ARFGAP2: variants seen among roughly 807,000 people sequenced by gnomAD.
The protein encoded by ARFGAP2 is ADP-ribosylation factor GTPase-activating protein 2.
ARFGAP2 carries 45 observed loss-of-function variants against 71.9 expected under a neutral mutation model. That is an observed-to-expected ratio of 0.63 (90% CI 0.49 to 0.80). The LOEUF (loss-of-function observed/expected upper bound fraction) is 0.80, where lower values mean the gene tolerates loss of function less well. ARFGAP2 is among the 30% of genes least tolerant of loss of function. The pLI, the probability that ARFGAP2 is intolerant of heterozygous loss-of-function variation, is 0.00. For synonymous variants in ARFGAP2, 248 were observed against 249.2 expected, an observed-to-expected ratio of 1.00 and a Z score of 0.05; for missense variants, 633 against 673.9, an observed-to-expected ratio of 0.94 and a Z score of 0.67.
At chr11:47,166,034 T>C (rs1952359743) in intron 15 of ARFGAP2, among the ~76,000 whole-genome samples, 1 of 152,116 alleles carries the variant, frequency 6.6e-6, no homozygotes, top group Non-Finnish European at 1.5e-5. Flanking sequence ...CCAGCTAATT[T>C]TGTATTTTTA....
intron 3 of ARFGAP2, chr11:47,175,534 G>A: frequency 1.4e-6 from 1 of 699,868 alleles, no homozygotes; most frequent in Non-Finnish European, 2.4e-6. Context: ...AGGCCCCACT[G>A]AACGCTGCCT....
At chr11:47,172,483 T>A in intron 7 of ARFGAP2, 150 bp from the exon 8 acceptor site, 1 of 1,117,846 alleles carries the variant, frequency 8.9e-7, no homozygotes, top group Non-Finnish European at 1.3e-6. Flanking sequence ...CAACCAGCGG[T>A]GTCAAAGCCA....
chr11:47,173,619 C>T, intron 6 of ARFGAP2, 137 bp from the exon 7 acceptor site: 1 of 1,409,620 alleles, frequency 7.1e-7, no homozygotes, highest in African/African-American at 1.4e-5. Context: ...ACCACTTCCT[C>T]CAAGGATTAA....
At position 47,166,836 on chromosome 11, in the gene ARFGAP2, C is replaced by A; in HGVS notation, c.1256G>T (p.Ser419Ile). ...VESRSSGLESSEARQKFAGAK... is the reference protein window; with the variant it reads ...VESRSSGLESIEARQKFAGAK... ...TCCTGCGAATTTCTGACGCGCCTCACTAGACTCGAGGCCTGAGCTCCGGCT... is the reference window on the plus strand; with the variant it reads ...TCCTGCGAATTTCTGACGCGCCTCAATAGACTCGAGGCCTGAGCTCCGGCT... Residue 419 changes from serine (S) to isoleucine (I), a missense_variant, in exon 13 of 16, where the codon AGT becomes ATT. Physicochemically the swap from Ser to Ile is moderately radical, Grantham distance 142. Transcript: ENST00000524782. The A allele has an allele frequency of 6.2e-7, 1 of 1,614,094 alleles. No homozygotes were observed. The highest frequency in any genetic ancestry group is 8.5e-7 in the Non-Finnish European group (1 of 1,180,030).
intron 15 of ARFGAP2, 82 bp downstream of exon 15, chr11:47,166,186 G>A (rs1347502227): frequency 1.1e-5 from 15 of 1,394,678 alleles, no homozygotes; most frequent in Middle Eastern, 1.8e-4. Context: ...GGCTCAGAGG[G>A]GCTGAGCAGT....
At chr11:47,170,483 T>C (rs1952556873) in intron 10 of ARFGAP2, among the ~76,000 whole-genome samples, 2 of 151,742 alleles carry the variant, frequency 1.3e-5, no homozygotes, top group African/African-American at 4.8e-5. Flanking sequence ...CCATCTCTAC[T>C]AAAAATACAA....
At chr11:47,171,874 G>A in intron 8 of ARFGAP2, 74 bp from the exon 9 acceptor site, 1 of 1,568,104 alleles carries the variant, frequency 6.4e-7, no homozygotes, top group Non-Finnish European at 8.6e-7. Flanking sequence ...AGGCACTGTA[G>A]CCACACCCAC....
Position 47,176,165 on chromosome 11 carries a change from G to A in ARFGAP2, c.192-242C>T, listed in dbSNP as rs1405314253. The A allele has an allele frequency of 1.0e-5, 6 of 594,318 alleles. No individual in the cohort carries two copies. The East Asian group carries it at 1.7e-4, about 17-fold the overall frequency. 36.8% of individuals were successfully genotyped at this position (594,318 alleles called of 1,614,324 possible). ...GTCACATTCTCAGGCACGCACGCCTGGATTTGGCTTTCCCCTAATGGATGG... is the reference window on the plus strand; with the variant it reads ...GTCACATTCTCAGGCACGCACGCCTAGATTTGGCTTTCCCCTAATGGATGG... On this transcript the variant is annotated intron_variant, in intron 2 of 15. Coordinates refer to ENST00000524782, the MANE Select transcript of ARFGAP2 (RefSeq NM_032389.6).
chr11:47,167,873 AAAAAG>A (rs759094701), intron 12 of ARFGAP2, 31 bp downstream of exon 12: 2 of 1,523,932 alleles, frequency 1.3e-6, no homozygotes, highest in African/African-American at 1.4e-5. Context: ...TTTAAAAAAA[AAAAAG>A]AAAGAAAAAA....
chr11:47,174,851 G>A (rs1952736188), intron 5 of ARFGAP2, 164 bp downstream of exon 5: 4 of 736,618 alleles, frequency 5.4e-6, no homozygotes, highest in Non-Finnish European at 6.9e-6. Context: ...TTATGGAGGA[G>A]GAAACACCTA....
intron 10 of ARFGAP2, chr11:47,168,621 A>G (rs1340813351): frequency 5.2e-6 from 1 of 191,248 alleles, no homozygotes; most frequent in Non-Finnish European, 1.1e-5. Context: ...CCCAGGTTCA[A>G]GCGATTCTTG....
Position 47,172,224 on chromosome 11 carries a change from C to A in ARFGAP2, c.672+57G>T, listed in dbSNP as rs531382982. 3.2e-5 allele frequency: 50 copies of A among 1,562,202 alleles called. No individual in the cohort carries two copies. The African/African-American group carries it at 5.7e-4, about 18-fold the overall frequency. The stretch of plus-strand genomic sequence containing the variant: ...TAAGTGGTAAGGTCAAGGAGTGAAC[C>A]CAGGTAGCCTGCACCCAGCTCCTAA... On this transcript the variant is annotated intron_variant, in intron 8 of 15. Coordinates refer to ENST00000524782, the MANE Select transcript of ARFGAP2 (RefSeq NM_032389.6).
chr11:47,174,905 G>A (rs1952738605), intron 5 of ARFGAP2, 110 bp downstream of exon 5: 3 of 1,179,162 alleles, frequency 2.5e-6, no homozygotes, highest in African/African-American at 3.0e-5. Flanking sequence ...TGGTGTCCAA[G>A]ACATCACATC....
At chr11:47,167,838 C>T (rs1333522748) in intron 12 of ARFGAP2, 71 bp downstream of exon 12, 9 of 1,492,918 alleles carry the variant, frequency 6.0e-6, no homozygotes, top group Admixed American at 2.4e-5. Context: ...ACAGTGCTGC[C>T]TTAGAATTCT....
At chr11:47,170,443 C>T (rs1483236054) in intron 10 of ARFGAP2, among the ~76,000 whole-genome samples, 3 of 150,882 alleles carry the variant, frequency 2.0e-5, no homozygotes, top group African/African-American at 4.9e-5. Flanking sequence ...GTCAAGAGTT[C>T]GACATCAGCC....
chr11:47,165,472 AGAGCTCGGATCAGTAG>A lies in ARFGAP2; in HGVS notation c.1560_*9del. Reference sequence around the variant, plus strand: ...CGTCACCATCGTAAGCCTGAGTCACAGAGCTCGGATCAGTAGGAACCGTAGCGATCCTGGGGGCGAG... The same window carrying A: ...CGTCACCATCGTAAGCCTGAGTCACAGAACCGTAGCGATCCTGGGGGCGAG... On this transcript the variant is annotated stop_lost and 3_prime_UTR_variant, in exon 16 of 16. Transcript: ENST00000524782. 1 of 1,570,220 alleles carries A rather than the reference AGAGCTCGGATCAGTAG, an allele frequency of 6.4e-7. No homozygotes were observed. The highest frequency in any genetic ancestry group is 8.6e-7 in the Non-Finnish European group (1 of 1,157,406).
chr11:47,176,674 G>A lies in ARFGAP2; in HGVS notation c.73-40C>T, dbSNP rs188310528. On this transcript the variant is annotated intron_variant, in intron 1 of 15. Coordinates refer to ENST00000524782, the MANE Select transcript of ARFGAP2 (RefSeq NM_032389.6). ...CGATGAGCGAATCGTCAGGGGCCCCGAGTAAAGGCCAGGCACCGACACCCC... is the reference window on the plus strand; with the variant it reads ...CGATGAGCGAATCGTCAGGGGCCCCAAGTAAAGGCCAGGCACCGACACCCC... 4.2e-4 allele frequency: 678 copies of A among 1,611,974 alleles called. 3 individuals carry two copies. In the African/African-American group the frequency reaches 8.0e-3, roughly 19 times the overall value.
intron 10 of ARFGAP2, chr11:47,168,472 AT>A (rs1247985754): frequency 3.9e-6 from 2 of 510,842 alleles, no homozygotes. Flanking sequence ...AGCTTTGTTT[AT>A]TCCACGTAGG....
At chr11:47,171,923 G>C (rs920890954) in intron 8 of ARFGAP2, 123 bp from the exon 9 acceptor site, 24 of 1,399,230 alleles carry the variant, frequency 1.7e-5, no homozygotes, top group Non-Finnish European at 2.3e-5. Flanking sequence ...GTAAAAAACA[G>C]GAGCCCAACC....
Sources: allele counts gnomAD v4.1 joint callset (sites outside exome capture counted in the v4.1 genomes callset), GRCh38; gene constraint gnomAD v4.1.1; transcripts MANE v1.5; gene names NCBI Gene and HGNC (gene_info 2026-07-23, HGNC 2026-07-21).